Variants in TECRL observed in about 807,000 individuals in gnomAD.
The protein encoded by TECRL is trans-2,3-enoyl-CoA reductase-like.
A neutral mutation model predicts 52.8 loss-of-function variants in TECRL; 63 were observed. The observed-to-expected ratio is 1.19, with a 90% confidence interval of 0.97 to 1.47. The LOEUF (loss-of-function observed/expected upper bound fraction) is 1.47, where lower values mean the gene tolerates loss of function less well. TECRL is among the 40% of genes most tolerant of loss of function. The pLI, the probability that TECRL is intolerant of heterozygous loss-of-function variation, is 0.00. For synonymous variants in TECRL, 164 were observed against 141.9 expected (o/e 1.16, Z -1.10); for missense variants, 482 against 429.6 (o/e 1.12, Z -1.08).
At chr4:64,316,519 TAGAA>T (rs1276929811) in intron 4 of TECRL, among the ~76,000 whole-genome samples, 2 of 152,218 alleles carry the variant, frequency 1.3e-5, no homozygotes, top group East Asian at 3.9e-4. Flanking sequence ...TTATTAAACT[TAGAA>T]AGTAATCAGA....
At chr4:64,287,775 G>T (rs1723155634) in intron 9 of TECRL, among the ~76,000 whole-genome samples, 1 of 152,098 alleles carries the variant, frequency 6.6e-6, no homozygotes, top group African/African-American at 2.4e-5. Context: ...TTACTTGCTG[G>T]TATTTTATGT....
At chr4:64,299,750 T>C (rs962032553) in intron 8 of TECRL, among the ~76,000 whole-genome samples, 1 of 150,990 alleles carries the variant, frequency 6.6e-6, no homozygotes, top group Admixed American at 6.6e-5. Flanking sequence ...TTTCAAATAA[T>C]TCTAATCAAC....
chr4:64,406,068 T>A (rs550670659), intron 1 of TECRL, among the ~76,000 whole-genome samples: 205 of 151,964 alleles, frequency 1.3e-3, no homozygotes, highest in Non-Finnish European at 2.1e-3. Context: ...ACAATATGAA[T>A]ACCTAAGGAA....
At chr4:64,376,920 A>C (rs1470100309) in intron 1 of TECRL, among the ~76,000 whole-genome samples, 2 of 152,058 alleles carry the variant, frequency 1.3e-5, no homozygotes, top group East Asian at 3.9e-4. Context: ...AGTCAAAAAT[A>C]AAGCTGTGAG....
chr4:64,392,377 C>G (rs1723605997), intron 1 of TECRL, among the ~76,000 whole-genome samples: 1 of 151,854 alleles, frequency 6.6e-6, no homozygotes, highest in South Asian at 2.1e-4. Flanking sequence ...GTCCAATCTC[C>G]TTTACATTTT....
At chr4:64,363,001 A>G (rs564497426) in intron 2 of TECRL, among the ~76,000 whole-genome samples, 39 of 146,606 alleles carry the variant, frequency 2.7e-4, no homozygotes, top group Admixed American at 4.1e-4. Context: ...GGAGACAGAT[A>G]TATCAGGCAC....
chr4:64,328,414 T>C (rs1718404851), intron 3 of TECRL, 98 bp downstream of exon 3: 2 of 978,936 alleles, frequency 2.0e-6, no homozygotes, highest in Non-Finnish European at 1.6e-6. Context: ...ATAATACTAA[T>C]ATTTGTATAT....
Position 64,380,671 on chromosome 4 carries a change from A to G in TECRL, c.235-5448T>C, listed in dbSNP as rs188367074. 4.6e-5 allele frequency among the ~76,000 whole-genome samples: 7 copies of G among 152,158 alleles called. No homozygotes were observed. The South Asian group carries it at 1.2e-3, about 27-fold the overall frequency. Reference sequence around the variant, plus strand: ...TATTAAAGAAGTTGTCTTTTCTTCAATGTATATTGTTGGCATCTTTGAAGA... The same window carrying G: ...TATTAAAGAAGTTGTCTTTTCTTCAGTGTATATTGTTGGCATCTTTGAAGA... On this transcript the variant is annotated intron_variant, in intron 1 of 11. Coordinates refer to ENST00000381210, the MANE Select transcript of TECRL (RefSeq NM_001010874.5).
At chr4:64,354,386 A>G (rs1443309017) in intron 2 of TECRL, among the ~76,000 whole-genome samples, 1 of 152,188 alleles carries the variant, frequency 6.6e-6, no homozygotes, top group Admixed American at 6.5e-5. Context: ...TAAGTAATAT[A>G]AGAGAGGAGA....
At chr4:64,390,323 C>T (rs979212278) in intron 1 of TECRL, among the ~76,000 whole-genome samples, 1 of 151,898 alleles carries the variant, frequency 6.6e-6, no homozygotes, top group Admixed American at 6.6e-5. Context: ...CTGGGCATTT[C>T]TCTCAGAGGG....
chr4:64,338,480 T>C (rs1279146602), intron 2 of TECRL, among the ~76,000 whole-genome samples: 2 of 152,018 alleles, frequency 1.3e-5, no homozygotes, highest in African/African-American at 4.8e-5. Context: ...TAAACTACCA[T>C]CAGAGTCAAC....
rs144581159 is a variant in TECRL, at chr4:64,295,595, A to C, written c.774+4379T>G. 1.5e-4 allele frequency among the ~76,000 whole-genome samples: 23 copies of C among 151,802 alleles called. No homozygotes were observed. The East Asian group carries it at 4.5e-3, about 29-fold the overall frequency. On this transcript the variant is annotated intron_variant, in intron 8 of 11. Coordinates refer to ENST00000381210, the MANE Select transcript of TECRL (RefSeq NM_001010874.5). The stretch of plus-strand genomic sequence containing the variant: ...CCATAAAGTGAATATCTTCAGAAAG[A>C]AAGTTAGTTTACATACACTAACTCT...
intron 1 of TECRL, among the ~76,000 whole-genome samples, chr4:64,385,955 C>CATG (rs1379390244): frequency 1.3e-5 from 2 of 152,290 alleles, no homozygotes; most frequent in African/African-American, 4.8e-5. Flanking sequence ...TCAGAGCTTT[C>CATG]ATGCCACTTT....
At chr4:64,379,912 A>C (rs959011206) in intron 1 of TECRL, among the ~76,000 whole-genome samples, 1 of 152,090 alleles carries the variant, frequency 6.6e-6, no homozygotes, top group African/African-American at 2.4e-5. Context: ...CCATTGGATA[A>C]ATACCCAGGG....
chr4:64,310,432 G>C (rs1241296924), intron 5 of TECRL, among the ~76,000 whole-genome samples: 1 of 152,052 alleles, frequency 6.6e-6, no homozygotes, highest in African/African-American at 2.4e-5. Flanking sequence ...ATGTAGTTTT[G>C]TGCTTTGTTT....
chr4:64,301,971 G>A (rs932611455), intron 7 of TECRL, among the ~76,000 whole-genome samples: 1 of 151,132 alleles, frequency 6.6e-6, no homozygotes, highest in Non-Finnish European at 1.5e-5. Context: ...TTTATAATCT[G>A]TATAATGTTT....
intron 1 of TECRL, among the ~76,000 whole-genome samples, chr4:64,389,412 A>T (rs1178849595): frequency 6.6e-6 from 1 of 151,884 alleles, no homozygotes; most frequent in African/African-American, 2.4e-5. Context: ...GATGTGATGA[A>T]CCACATTAAT....
chr4:64,383,931 G>T (rs1187891291), intron 1 of TECRL, among the ~76,000 whole-genome samples: 1 of 151,542 alleles, frequency 6.6e-6, no homozygotes, highest in Non-Finnish European at 1.5e-5. Flanking sequence ...TGTTGGGCAG[G>T]GCACTTTGCC....
intron 2 of TECRL, among the ~76,000 whole-genome samples, chr4:64,350,611 T>C (rs371386246): frequency 2.0e-5 from 3 of 152,268 alleles, no homozygotes; most frequent in African/African-American, 7.2e-5. Flanking sequence ...ATAAAGCAGA[T>C]TGCCATTTGG....
Sources: gnomAD v4.1 joint callset for allele counts (sites outside exome capture counted in the v4.1 genomes callset) on GRCh38, gnomAD v4.1.1 for gene constraint, MANE v1.5 for transcripts, NCBI Gene and HGNC (gene_info 2026-07-23, HGNC 2026-07-21) for gene names.